Variants in PCDH9 observed in about 807,000 individuals in gnomAD.
PCDH9 encodes protocadherin 9.
A neutral mutation model predicts 70.6 loss-of-function variants in PCDH9; 24 were observed. That is an observed-to-expected ratio of 0.34 (90% CI 0.25 to 0.48). The LOEUF is 0.48. Ranked by LOEUF, PCDH9 falls within the 20% of genes least tolerant of loss-of-function variation. The pLI is 0.99. For missense variants in PCDH9, 1,281 were observed against 1,503.6 expected (o/e 0.85, Z 2.45); for synonymous variants, 562 against 558.5 (o/e 1.01, Z -0.09).
intron 2 of PCDH9, among the ~76,000 whole-genome samples, chr13:67,148,780 T>C (rs915716377): frequency 2.0e-5 from 3 of 152,188 alleles, no homozygotes; most frequent in African/African-American, 7.2e-5. Context: ...TTCTTAAAGG[T>C]TTCAGTCTAC....
intron 3 of PCDH9, among the ~76,000 whole-genome samples, chr13:66,764,598 G>A (rs1179779456): frequency 1.3e-5 from 2 of 151,846 alleles, no homozygotes; most frequent in Admixed American, 6.6e-5. Flanking sequence ...TGGTTTCTAA[G>A]ACAAAAAAGA....
At chr13:66,853,653 A>G (rs553950147) in intron 3 of PCDH9, among the ~76,000 whole-genome samples, 35 of 152,278 alleles carry the variant, frequency 2.3e-4, no homozygotes, top group African/African-American at 7.7e-4. Context: ...GGGCTGGTTT[A>G]GGACACTACC....
chr13:66,636,776 A>C (rs1291951504), intron 3 of PCDH9, among the ~76,000 whole-genome samples: 2 of 152,124 alleles, frequency 1.3e-5, no homozygotes, highest in African/African-American at 2.4e-5. Context: ...ATACACACAC[A>C]CACAAACACA....
intron 2 of PCDH9, among the ~76,000 whole-genome samples, chr13:67,062,150 A>G (rs150129215): frequency 6.6e-6 from 1 of 152,288 alleles, no homozygotes; most frequent in East Asian, 1.9e-4. Flanking sequence ...CCTGGCCCCA[A>G]GTGACAGCAA....
rs118179135 is a variant in PCDH9, at chr13:67,119,508, C to T, written c.3036+105897G>A. ...TAATATAAGGTAAATAAATGTAAAA[C>T]TTCCTATTCAGTAATGAACTAGCAC... On this transcript the variant is annotated intron_variant, in intron 2 of 4. Coordinates refer to ENST00000377865, the MANE Select transcript of PCDH9 (RefSeq NM_203487.3). Among the ~76,000 whole-genome samples the T allele has an allele frequency of 6.8e-3, 1,040 of 152,084 alleles. 37 individuals carry two copies. The South Asian group carries it at 0.071, about 10-fold the overall frequency.
At chr13:67,186,733 C>G (rs989972111) in intron 2 of PCDH9, among the ~76,000 whole-genome samples, 1 of 152,114 alleles carries the variant, frequency 6.6e-6, no homozygotes, top group Non-Finnish European at 1.5e-5. Context: ...TTGAATCTAA[C>G]AAATTAATGT....
intron 4 of PCDH9, among the ~76,000 whole-genome samples, chr13:66,536,196 T>C (rs1207952010): frequency 6.6e-6 from 1 of 152,054 alleles, no homozygotes; most frequent in Non-Finnish European, 1.5e-5. Flanking sequence ...TTATAAATAA[T>C]ATGTTCTTTG....
intron 3 of PCDH9, among the ~76,000 whole-genome samples, chr13:66,866,531 T>A (rs1240604557): frequency 7.4e-6 from 1 of 135,626 alleles, no homozygotes; most frequent in Non-Finnish European, 1.6e-5. Context: ...GGCATAGTGG[T>A]TCACGCCTGT....
At chr13:67,109,454 A>G (rs757777693) in intron 2 of PCDH9, among the ~76,000 whole-genome samples, 3 of 152,204 alleles carry the variant, frequency 2.0e-5, no homozygotes, top group Non-Finnish European at 2.9e-5. Context: ...ATCTGTCTTC[A>G]ATTGGTTTGC....
At chr13:67,118,509 A>G (rs1233411282) in intron 2 of PCDH9, among the ~76,000 whole-genome samples, 3 of 152,168 alleles carry the variant, frequency 2.0e-5, no homozygotes, top group Non-Finnish European at 4.4e-5. Context: ...CATAATTGCC[A>G]TATGGCATAA....
At chr13:66,731,897 A>G (rs1418013567) in intron 3 of PCDH9, among the ~76,000 whole-genome samples, 1 of 152,056 alleles carries the variant, frequency 6.6e-6, no homozygotes, top group Non-Finnish European at 1.5e-5. Flanking sequence ...AGACTCTGCT[A>G]TATTTCTTAA....
At chr13:66,491,385 T>TTGAGTGTGTG (rs1959029704) in intron 4 of PCDH9, among the ~76,000 whole-genome samples, 1 of 136,030 alleles carries the variant, frequency 7.4e-6, no homozygotes, top group African/African-American at 2.8e-5. Flanking sequence ...GCAGGAGATA[T>TTGAGTGTGTG]TGTGTGTGTG....
chr13:66,674,682 T>C (rs1303858034), intron 3 of PCDH9, among the ~76,000 whole-genome samples: 3 of 152,120 alleles, frequency 2.0e-5, no homozygotes, highest in Admixed American at 6.6e-5. Context: ...ATCTACTCTA[T>C]GGCAATTGTT....
intron 4 of PCDH9, among the ~76,000 whole-genome samples, chr13:66,384,798 G>A (rs969167456): frequency 4.6e-5 from 7 of 151,634 alleles, no homozygotes; most frequent in African/African-American, 7.3e-5. Flanking sequence ...CCGAGTAGCT[G>A]GGATTACAGG....
intron 3 of PCDH9, among the ~76,000 whole-genome samples, chr13:66,812,912 G>A (rs924244630): frequency 1.3e-5 from 2 of 152,190 alleles, no homozygotes; most frequent in East Asian, 1.9e-4. Context: ...TTGTCCCAAC[G>A]CCATCCTAAA....
intron 4 of PCDH9, among the ~76,000 whole-genome samples, chr13:66,614,501 A>G (rs2077332130): frequency 6.6e-6 from 1 of 152,176 alleles, no homozygotes; most frequent in Non-Finnish European, 1.5e-5. Flanking sequence ...AAAATAAATA[A>G]CTTATGGTAA....
At chr13:67,057,429 CT>C (rs1204832505) in intron 2 of PCDH9, among the ~76,000 whole-genome samples, 1 of 151,858 alleles carries the variant, frequency 6.6e-6, no homozygotes, top group Non-Finnish European at 1.5e-5. Context: ...GATAACGCGC[CT>C]CGGATTTCCT....
At chr13:67,058,716 G>C (rs1387458868) in intron 2 of PCDH9, among the ~76,000 whole-genome samples, 1 of 152,014 alleles carries the variant, frequency 6.6e-6, no homozygotes, top group Non-Finnish European at 1.5e-5. Context: ...TCTCAAACAG[G>C]TACAAGTAAT....
intron 3 of PCDH9, among the ~76,000 whole-genome samples, chr13:66,799,430 A>G (rs1210338026): frequency 6.6e-6 from 1 of 152,108 alleles, no homozygotes; most frequent in African/African-American, 2.4e-5. Context: ...AGAGACTGTC[A>G]CCAATAATCT....
Sources: allele counts gnomAD v4.1 joint callset (sites outside exome capture counted in the v4.1 genomes callset), GRCh38; gene constraint gnomAD v4.1.1; transcripts MANE v1.5; gene names NCBI Gene and HGNC (gene_info 2026-07-23, HGNC 2026-07-21).